LRCH3: variants seen among roughly 807,000 people sequenced by gnomAD.
LRCH3 encodes DISP complex protein LRCH3.
In LRCH3, 68 loss-of-function variants were observed where a neutral mutation model predicts 104.5. That is an observed-to-expected ratio of 0.65 (90% CI 0.54 to 0.80). LRCH3 has a LOEUF of 0.80. Among genes scored for constraint, LRCH3 ranks in the 30% least tolerant of loss-of-function variants. The pLI, the probability that LRCH3 is intolerant of heterozygous loss-of-function variation, is 0.00. For missense variants in LRCH3, 951 were observed against 953.9 expected (o/e 1.00, Z 0.04); for synonymous variants, 344 against 361.3 (o/e 0.95, Z 0.54).
chr3:197,800,424 T>G (rs1185705675), intron 1 of LRCH3, among the ~76,000 whole-genome samples: 1 of 152,178 alleles, frequency 6.6e-6, no homozygotes, highest in East Asian at 1.9e-4. Context: ...AATAAATGTT[T>G]GAAAAGGTGC....
At chr3:197,816,337 A>G (rs970010796) in intron 2 of LRCH3, among the ~76,000 whole-genome samples, 3 of 151,902 alleles carry the variant, frequency 2.0e-5, no homozygotes, top group Non-Finnish European at 4.4e-5. Context: ...CTGGAGTGCA[A>G]TGGTGTGATC....
rs143788297 is a variant in LRCH3, at chr3:197,832,202, A to G, written c.987A>G (p.Thr329=). The change falls in exon 8 of 21, where the codon ACA becomes ACG. Residue 329 remains threonine, a synonymous_variant. Coordinates refer to ENST00000425562, the MANE Select transcript of LRCH3 (RefSeq NM_001365715.1). ...GDKRWSGNEP[T]DEFSDLPLRV... ...GTTTCTGCTTCTTTTTTAAGCCTAC[A>G]GATGAATTTTCAGATCTGCCTCTTC... 340 of 1,612,376 alleles carry G rather than the reference A, an allele frequency of 2.1e-4. 3 individuals are homozygous for G. The African/African-American group carries it at 4.0e-3, about 19-fold the overall frequency.
intron 14 of LRCH3, among the ~76,000 whole-genome samples, chr3:197,855,478 T>C (rs1467279462): frequency 1.3e-5 from 2 of 152,200 alleles, no homozygotes; most frequent in African/African-American, 4.8e-5. Flanking sequence ...GTTAAACTTA[T>C]CACCTTTTTA....
chr3:197,862,615 T>C (rs1336301747), intron 15 of LRCH3, among the ~76,000 whole-genome samples: 5 of 152,250 alleles, frequency 3.3e-5, no homozygotes, highest in Admixed American at 2.0e-4. Flanking sequence ...TGAACATGTC[T>C]TTGTTTAACC....
chr3:197,879,733 G>A (rs901781483), intron 20 of LRCH3, among the ~76,000 whole-genome samples: 8 of 152,192 alleles, frequency 5.3e-5, no homozygotes, highest in African/African-American at 1.9e-4. Flanking sequence ...GGATCATGAG[G>A]CTTTCCTCAG....
chr3:197,854,539 A>T lies in LRCH3; in HGVS notation c.1644+94A>T. On this transcript the variant is annotated intron_variant, in intron 14 of 20. Coordinates refer to ENST00000425562, the MANE Select transcript of LRCH3 (RefSeq NM_001365715.1). This position sits in a 1 kb window ranked among gnomAD's most constrained non-coding sequence, Gnocchi z 4.5. ...TATCTAAATACCATAAAACATGATG[A>T]ACATCATTACTAAATGCTTTATGAA... 1 of 1,157,268 alleles carries T rather than the reference A, an allele frequency of 8.6e-7. No homozygotes were observed. The highest frequency in any genetic ancestry group is 1.3e-6 in the Non-Finnish European group (1 of 767,152). The allele number at this position is 1,157,268 out of a possible 1,614,324, so 71.7% of individuals were successfully genotyped here.
chr3:197,838,156 C>A lies in LRCH3; in HGVS notation c.1252-1165C>A, dbSNP rs187368437. 2.3e-3 allele frequency among the ~76,000 whole-genome samples: 353 copies of A among 151,756 alleles called. 2 individuals carry two copies. Among genetic ancestry groups the A allele is most frequent in the African/African-American group, 8.1e-3 (335 of 41,234 alleles). On this transcript the variant is annotated intron_variant, in intron 9 of 20. Coordinates refer to ENST00000425562, the MANE Select transcript of LRCH3 (RefSeq NM_001365715.1). Reference sequence around the variant, plus strand: ...GTGGTGTAGCTTGGCCTGGTGGCTCCTTCCTGTAGTCTCAGCCACTCGGGA... The same window carrying A: ...GTGGTGTAGCTTGGCCTGGTGGCTCATTCCTGTAGTCTCAGCCACTCGGGA...
rs114390216 is a variant in LRCH3, at chr3:197,883,738, G to A, written c.*72G>A. The A allele has an allele frequency of 0.033, 48,892 of 1,459,570 alleles. 1,016 individuals are homozygous for A. Among genetic ancestry groups the A allele is most frequent in the South Asian group, 0.062 (4,690 of 75,998 alleles). The allele number at this position is 1,459,570 out of a possible 1,614,324, so 90.4% of individuals were successfully genotyped here. ...GACACCGTGATTGCTGCTGCCAGCT[G>A]TCTGCTTAAACAAAGCTCTTGTGTG... On this transcript the variant is annotated 3_prime_UTR_variant, in exon 21 of 21. Coordinates refer to ENST00000425562, the MANE Select transcript of LRCH3 (RefSeq NM_001365715.1). This position sits in a 1 kb window ranked among gnomAD's most constrained non-coding sequence, Gnocchi z 4.2.
chr3:197,830,334 AG>A (rs1283296386), intron 6 of LRCH3, among the ~76,000 whole-genome samples: 1 of 152,154 alleles, frequency 6.6e-6, no homozygotes. Context: ...CTCCCACCTC[AG>A]CCTCCTGAGT....
chr3:197,813,679 T>C (rs1346676101), intron 1 of LRCH3, among the ~76,000 whole-genome samples: 4 of 151,664 alleles, frequency 2.6e-5, no homozygotes, highest in African/African-American at 4.8e-5. Flanking sequence ...TACAGGTGTG[T>C]GCCACCATGC....
At chr3:197,867,311 C>T (rs1580868900) in intron 17 of LRCH3, among the ~76,000 whole-genome samples, 1 of 151,894 alleles carries the variant, frequency 6.6e-6, no homozygotes, top group Non-Finnish European at 1.5e-5. Context: ...CCCAGCTACT[C>T]GGGAGGCTGA....
rs762743501 is a variant in LRCH3 at position 197,871,315 on chromosome 3, G to A, written c.1993-10G>A. 1 of 1,598,640 alleles carries A rather than the reference G, an allele frequency of 6.3e-7. No individual in the cohort carries two copies. Among genetic ancestry groups the A allele is most frequent in the Non-Finnish European group, 8.6e-7 (1 of 1,168,612 alleles). On this transcript the variant is annotated splice_polypyrimidine_tract_variant and intron_variant, in intron 18 of 20. Transcript: ENST00000425562. ...TCAATTAATCTATTACATGTTTTTT[G>A]TTCTTTCAGCATATTGAGTACCGGT...
chr3:197,821,676 A>G (rs534154505), intron 4 of LRCH3, among the ~76,000 whole-genome samples: 46 of 152,288 alleles, frequency 3.0e-4, no homozygotes, highest in Middle Eastern at 6.8e-3. Flanking sequence ...TGTACAATCA[A>G]TATTTTGTTT....
chr3:197,879,514 CG>C lies in LRCH3; in HGVS notation c.2208+3742del, dbSNP rs1360342098. Among the ~76,000 whole-genome samples the C allele has an allele frequency of 4.0e-5, 6 of 151,418 alleles. No homozygotes were observed. The East Asian group carries it at 5.8e-4, about 15-fold the overall frequency. On this transcript the variant is annotated intron_variant, in intron 20 of 20. Coordinates refer to ENST00000425562, the MANE Select transcript of LRCH3 (RefSeq NM_001365715.1). ...ACAAAAAATTAGCCGGGCGTGGTGG[CG>C]GGCGCCTGTAGTCCCAGCTGCTCGG...
chr3:197,882,191 G>A, intron 20 of LRCH3: 2 of 985,422 alleles, frequency 2.0e-6, no homozygotes, highest in Non-Finnish European at 2.4e-6. Context: ...TTCTGAGTGT[G>A]AACACCGGCC....
At chr3:197,853,882 T>C (rs543145064) in intron 13 of LRCH3, among the ~76,000 whole-genome samples, 1 of 152,354 alleles carries the variant, frequency 6.6e-6, no homozygotes, top group Non-Finnish European at 1.5e-5. Context: ...GTGTGTTTTC[T>C]TTTTTACCCC....
intron 3 of LRCH3, among the ~76,000 whole-genome samples, chr3:197,818,986 C>G (rs374331430): frequency 6.6e-6 from 1 of 151,830 alleles, no homozygotes; most frequent in Non-Finnish European, 1.5e-5. Context: ...ATTAGCCAGG[C>G]GTGGTGGCAC....
intron 1 of LRCH3, among the ~76,000 whole-genome samples, chr3:197,807,840 T>C (rs976404639): frequency 1.3e-5 from 2 of 152,204 alleles, no homozygotes; most frequent in East Asian, 3.8e-4. Flanking sequence ...TTTTATGAGT[T>C]TGAGTGACGT....
intron 1 of LRCH3, among the ~76,000 whole-genome samples, chr3:197,794,889 C>G (rs1383975426): frequency 6.6e-6 from 1 of 151,856 alleles, no homozygotes; most frequent in African/African-American, 2.4e-5. Flanking sequence ...CCTGTAATCC[C>G]AACTACTTGA....
Sources: gnomAD v4.1 joint callset for allele counts (sites outside exome capture counted in the v4.1 genomes callset) on GRCh38, gnomAD v4.1.1 for gene constraint, Gnocchi (gnomAD v3.1) non-coding constraint, MANE v1.5 for transcripts, NCBI Gene and HGNC (gene_info 2026-07-23, HGNC 2026-07-21) for gene names.